Variants in EHBP1 observed in about 807,000 individuals in gnomAD.
EHBP1 encodes EH domain-binding protein 1.
In EHBP1, 55 loss-of-function variants were observed where a neutral mutation model predicts 144.0. The observed-to-expected ratio is 0.38, with a 90% CI of 0.31 to 0.48. EHBP1 has a LOEUF of 0.48. EHBP1 is among the 20% of genes least tolerant of loss of function. The pLI is 0.98. For synonymous variants in EHBP1, 469 were observed against 472.7 expected (o/e 0.99, Z 0.10); for missense variants, 1,200 against 1,364.2 (o/e 0.88, Z 1.90).
intron 19 of EHBP1, among the ~76,000 whole-genome samples, chr2:63,025,638 C>T (rs1254588866): frequency 5.3e-5 from 8 of 152,132 alleles, no homozygotes; most frequent in East Asian, 1.9e-4. Context: ...TTGAGATTGA[C>T]GCATAAGATT....
At chr2:62,973,484 C>G (rs572600970) in intron 14 of EHBP1, among the ~76,000 whole-genome samples, 7 of 152,114 alleles carry the variant, frequency 4.6e-5, no homozygotes, top group Admixed American at 1.3e-4. Context: ...GTGAAACAGA[C>G]CTGAGCTGAA....
chr2:62,967,770 A>G (rs963324180), intron 14 of EHBP1, among the ~76,000 whole-genome samples: 16 of 152,232 alleles, frequency 1.1e-4, no homozygotes, highest in African/African-American at 3.9e-4. Flanking sequence ...AACTAAGAAT[A>G]GAACTTTCCT....
At chr2:62,933,467 A>G (rs2056159394) in intron 10 of EHBP1, among the ~76,000 whole-genome samples, 1 of 152,222 alleles carries the variant, frequency 6.6e-6, no homozygotes, top group African/African-American at 2.4e-5. Context: ...TCAGTGTGGA[A>G]TCAAACCATA....
intron 7 of EHBP1, among the ~76,000 whole-genome samples, chr2:62,835,925 G>A (rs1262903858): frequency 5.3e-5 from 8 of 152,026 alleles, no homozygotes; most frequent in African/African-American, 9.7e-5. Context: ...AGGGGCGCCC[G>A]CCATTGCCCA....
In EHBP1 at chr2:62,870,937, CAG is replaced by C. The variant is rs753443644; in HGVS notation, c.999-3406_999-3405del. ...AAAAAGTTCTAATCTCCAAAAATCTCAGAGTTACATCATAATAATCATCTGAT... is the reference window on the plus strand; with the variant it reads ...AAAAAGTTCTAATCTCCAAAAATCTCAGTTACATCATAATAATCATCTGAT... On this transcript the variant is annotated intron_variant, in intron 9 of 22. Coordinates refer to ENST00000431489, the MANE Select transcript of EHBP1 (RefSeq NM_001142616.3). Among the ~76,000 whole-genome samples the C allele has an allele frequency of 5.3e-5, 8 of 152,028 alleles. No homozygotes were observed. In the South Asian group the frequency reaches 1.5e-3, roughly 28 times the overall value.
At chr2:62,914,340 A>G (rs1002726846) in intron 10 of EHBP1, among the ~76,000 whole-genome samples, 1 of 152,106 alleles carries the variant, frequency 6.6e-6, no homozygotes, top group Non-Finnish European at 1.5e-5. Flanking sequence ...AATTTTGCTT[A>G]TGACACTACC....
chr2:63,038,774 G>A lies in EHBP1; in HGVS notation c.3235G>A (p.Glu1079Lys). The change falls in exon 21 of 23, where the codon GAG (glutamate) becomes AAG (lysine). Residue 1079 changes from glutamate to lysine, a missense_variant. Transcript: ENST00000431489. ...AGAACATGATTTAGAACGACGGTAT[G>A]AGCTGCTGAACCGGGAATTGAGGGC... The part of the protein sequence containing the change: ...EKEHDLERRY[E>K]LLNRELRAML... The A allele has an allele frequency of 6.2e-7, 1 of 1,613,510 alleles. No individual in the cohort carries two copies. The highest frequency in any genetic ancestry group is 8.5e-7 in the Non-Finnish European group (1 of 1,179,576).
chr2:62,704,488 A>G (rs926766107), upstream of EHBP1, among the ~76,000 whole-genome samples: 21 of 152,116 alleles, frequency 1.4e-4, no homozygotes, highest in African/African-American at 5.1e-4. Flanking sequence ...TTGTCCATGC[A>G]CCCTGCTTTC....
At chr2:62,829,216 A>C (rs2046589292) in intron 6 of EHBP1, among the ~76,000 whole-genome samples, 1 of 152,174 alleles carries the variant, frequency 6.6e-6, no homozygotes, top group African/African-American at 2.4e-5. Context: ...TTTTTAAATT[A>C]TGTTATTTCA....
At chr2:62,888,922 T>C (rs2052178679) in intron 10 of EHBP1, among the ~76,000 whole-genome samples, 1 of 152,016 alleles carries the variant, frequency 6.6e-6, no homozygotes, top group Non-Finnish European at 1.5e-5. Context: ...AGGACTGTGG[T>C]GAGGCAAGAG....
intron 10 of EHBP1, among the ~76,000 whole-genome samples, chr2:62,916,881 A>G (rs923632121): frequency 1.3e-5 from 2 of 150,996 alleles, no homozygotes; most frequent in African/African-American, 4.8e-5. Context: ...TATATACAGT[A>G]TACAATTTAA....
At chr2:62,941,163 C>T (rs751140171) in intron 10 of EHBP1, among the ~76,000 whole-genome samples, 1 of 152,136 alleles carries the variant, frequency 6.6e-6, no homozygotes, top group Non-Finnish European at 1.5e-5. Context: ...CTACCTAGTT[C>T]AGTGCTCCCC....
intron 10 of EHBP1, among the ~76,000 whole-genome samples, chr2:62,900,957 G>T (rs1332518903): frequency 6.6e-6 from 1 of 152,146 alleles, no homozygotes; most frequent in Non-Finnish European, 1.5e-5. Flanking sequence ...AAGTAGCCAA[G>T]TAATTTCTTT....
At chr2:62,920,798 G>A (rs889097945) in intron 10 of EHBP1, among the ~76,000 whole-genome samples, 3 of 151,972 alleles carry the variant, frequency 2.0e-5, no homozygotes, top group East Asian at 1.9e-4. Flanking sequence ...GAGTAGCTGC[G>A]ATTACAGGCA....
At chr2:62,980,506 C>T (rs551126386) in intron 15 of EHBP1, among the ~76,000 whole-genome samples, 3 of 152,228 alleles carry the variant, frequency 2.0e-5, no homozygotes, top group Non-Finnish European at 4.4e-5. Context: ...TGATAAGTTT[C>T]CTCAAAGTAA....
At position 62,793,295 on chromosome 2, in the gene EHBP1, C is replaced by T. The variant is rs576893613; in HGVS notation, c.312+21903C>T. ...ACAATGATTGACTTTTTTTCAACCA[C>T]TCACAAAACTGCTTTGCAGGTGTGA... On this transcript the variant is annotated intron_variant, in intron 5 of 22. Coordinates refer to ENST00000431489, the MANE Select transcript of EHBP1 (RefSeq NM_001142616.3). Among the ~76,000 whole-genome samples the T allele has an allele frequency of 6.9e-4, 105 of 152,022 alleles. 1 individual carries two copies. The highest frequency in any genetic ancestry group is 1.6e-3 in the Admixed American group (24 of 15,260).
At chr2:62,943,962 A>C in intron 12 of EHBP1, 112 bp downstream of exon 12, 1 of 687,786 alleles carries the variant, frequency 1.5e-6, no homozygotes, top group Non-Finnish European at 2.4e-6. Flanking sequence ...TACAACTCAC[A>C]GAGGGTTGTC....
At position 62,997,406 on chromosome 2, in the gene EHBP1, A is replaced by G. The variant is rs114668092; in HGVS notation, c.3103+640A>G. Among the ~76,000 whole-genome samples the G allele has an allele frequency of 7.3e-3, 1,088 of 149,160 alleles. 11 individuals are homozygous for G. The highest frequency in any genetic ancestry group is 9.4e-3 in the Non-Finnish European group (631 of 67,304). On this transcript the variant is annotated intron_variant, in intron 19 of 22. Transcript: ENST00000431489. Reference sequence around the variant, plus strand: ...GTGATTGAATAGATCTAAGAGCACAATAAGCAATTGGAAAGGAACTCATGT... The same window carrying G: ...GTGATTGAATAGATCTAAGAGCACAGTAAGCAATTGGAAAGGAACTCATGT...
chr2:62,778,134 G>A (rs961992912), intron 5 of EHBP1, among the ~76,000 whole-genome samples: 2 of 152,274 alleles, frequency 1.3e-5, no homozygotes, highest in Admixed American at 1.3e-4. Context: ...CATGAGATAG[G>A]AAGTTCGGCT....
Sources: gnomAD v4.1 joint callset for allele counts (sites outside exome capture counted in the v4.1 genomes callset) on GRCh38, gnomAD v4.1.1 for gene constraint, MANE v1.5 for transcripts, NCBI Gene and HGNC (gene_info 2026-07-23, HGNC 2026-07-21) for gene names.